ITPR2: variants seen among roughly 807,000 people sequenced by gnomAD.
ITPR2 encodes inositol 1,4,5-trisphosphate receptor type 2, also known as inositol 1,4,5-trisphosphate-gated calcium channel ITPR2.
Under a neutral mutation model 317.1 loss-of-function variants are expected in ITPR2, and 207 were observed. The ratio of observed to expected loss-of-function variants is 0.65; its 90% confidence interval spans 0.58 to 0.73. ITPR2 has a LOEUF of 0.73. Ranked by LOEUF, ITPR2 falls within the 30% of genes least tolerant of loss-of-function variation. The pLI is 0.00. For missense variants in ITPR2, 2,613 were observed against 3,284.0 expected, an observed-to-expected ratio of 0.80 and a Z score of 4.99; for synonymous variants, 1,156 against 1,149.1, an observed-to-expected ratio of 1.01 and a Z score of -0.12.
chr12:26,370,569 C>T (rs759824562), intron 55 of ITPR2, among the ~76,000 whole-genome samples: 4 of 152,178 alleles, frequency 2.6e-5, no homozygotes, highest in Non-Finnish European at 4.4e-5. Context: ...TTCCCCCATG[C>T]GGAATTTTCA....
intron 5 of ITPR2, among the ~76,000 whole-genome samples, chr12:26,718,521 T>C (rs1014381549): frequency 9.9e-5 from 14 of 142,064 alleles, no homozygotes; most frequent in African/African-American, 4.0e-4. Flanking sequence ...ATATATAAGG[T>C]TTTAAATATA....
At chr12:26,777,622 T>A (rs1446224888) in intron 2 of ITPR2, among the ~76,000 whole-genome samples, 4 of 152,190 alleles carry the variant, frequency 2.6e-5, no homozygotes, top group Non-Finnish European at 4.4e-5. Flanking sequence ...GTAAAATTGA[T>A]AAATGCATTC....
chr12:26,731,120 T>TG (rs1056046237), intron 2 of ITPR2, among the ~76,000 whole-genome samples: 2 of 12,364 alleles, frequency 1.6e-4, no homozygotes, highest in African/African-American at 1.5e-3. Flanking sequence ...TTGGCAATGG[T>TG]GGAAAAAAAA....
intron 2 of ITPR2, among the ~76,000 whole-genome samples, chr12:26,758,099 T>C (rs563776872): frequency 3.3e-5 from 5 of 152,206 alleles, no homozygotes; most frequent in African/African-American, 1.2e-4. Flanking sequence ...TCCATGTAGC[T>C]TCTCCTGTCT....
chr12:26,826,732 A>G (rs2137305141), intron 1 of ITPR2, among the ~76,000 whole-genome samples: 1 of 152,312 alleles, frequency 6.6e-6, no homozygotes, highest in Admixed American at 6.5e-5. Flanking sequence ...GCTATCACTT[A>G]AACATACATA....
At chr12:26,724,905 G>C (rs779756932) in intron 3 of ITPR2, among the ~76,000 whole-genome samples, 163 bp from the exon 4 acceptor site, 9 of 152,040 alleles carry the variant, frequency 5.9e-5, no homozygotes, top group Non-Finnish European at 8.8e-5. Context: ...TTTGCTTTAT[G>C]TTTCCATCAT....
intron 22 of ITPR2, 149 bp from the exon 23 acceptor site, chr12:26,628,311 G>T: frequency 1.8e-6 from 1 of 571,020 alleles, no homozygotes; most frequent in Non-Finnish European, 3.0e-6. Flanking sequence ...ATGTTTGTCA[G>T]CAATGACTAA....
At chr12:26,627,911 T>TA in intron 23 of ITPR2, 122 bp downstream of exon 23, 2 of 865,236 alleles carry the variant, frequency 2.3e-6, no homozygotes, top group Non-Finnish European at 3.5e-6. Flanking sequence ...TCCCAGAACT[T>TA]AAAGTATAAT....
chr12:26,417,546 TC>T (rs1940758253), intron 50 of ITPR2, among the ~76,000 whole-genome samples: 1 of 152,060 alleles, frequency 6.6e-6, no homozygotes, highest in Non-Finnish European at 1.5e-5. Flanking sequence ...AGTGGCAGTT[TC>T]CCCCGTGCTC....
rs1943804797 is a variant in ITPR2, at chr12:26,526,178, G to GA, written c.5073+24068dup. Among the ~76,000 whole-genome samples, 3 of 152,030 alleles carry GA rather than the reference G, an allele frequency of 2.0e-5. No homozygotes were observed. The South Asian group carries it at 6.2e-4, about 32-fold the overall frequency. On this transcript the variant is annotated intron_variant, in intron 37 of 56. Transcript: ENST00000381340. ...AGTAATAATAGACTCATGGAAATAA[G>GA]AAAAAATGTACATTTTCTGAAATTT...
At chr12:26,383,441 C>T (rs1291805915) in intron 55 of ITPR2, among the ~76,000 whole-genome samples, 3 of 151,872 alleles carry the variant, frequency 2.0e-5, no homozygotes. Flanking sequence ...GAGGGAGGAA[C>T]ATTCCCAGAA....
chr12:26,820,703 T>C (rs960056847), intron 1 of ITPR2, among the ~76,000 whole-genome samples: 2 of 152,170 alleles, frequency 1.3e-5, no homozygotes, highest in East Asian at 1.9e-4. Flanking sequence ...TTATTCATAA[T>C]AGCCAAAAAG....
chr12:26,505,915 T>C (rs572203888), intron 37 of ITPR2, among the ~76,000 whole-genome samples: 8 of 152,204 alleles, frequency 5.3e-5, no homozygotes, highest in Admixed American at 2.6e-4. Flanking sequence ...ATTTGAGATT[T>C]ATTCAATGTT....
intron 21 of ITPR2, among the ~76,000 whole-genome samples, chr12:26,642,621 C>T (rs1947017811): frequency 6.6e-6 from 1 of 152,104 alleles, no homozygotes; most frequent in African/African-American, 2.4e-5. Context: ...AGATATTACT[C>T]ATTAATCCAG....
At position 26,529,900 on chromosome 12, in the gene ITPR2, G is replaced by C. The variant is rs746869547; in HGVS notation, c.5073+20347C>G. On this transcript the variant is annotated intron_variant, in intron 37 of 56. Transcript: ENST00000381340. ...GAATGTAAGCTCCAATATAAGAATG[G>C]ACCATGCCATTTCATTGTTTTGTTT... Among the ~76,000 whole-genome samples, 18 of 152,156 alleles carry C rather than the reference G, an allele frequency of 1.2e-4. 1 individual carries two copies. The highest frequency in any genetic ancestry group is 7.4e-5 in the Non-Finnish European group (5 of 68,026).
chr12:26,484,194 G>T (rs1565552825), intron 41 of ITPR2, among the ~76,000 whole-genome samples: 1 of 137,404 alleles, frequency 7.3e-6, no homozygotes, highest in Non-Finnish European at 1.7e-5. Context: ...TATCAAGATA[G>T]TTCATAATAA....
At chr12:26,762,649 A>C (rs1165341882) in intron 2 of ITPR2, among the ~76,000 whole-genome samples, 4 of 152,220 alleles carry the variant, frequency 2.6e-5, no homozygotes. Context: ...CTTTAAAGGT[A>C]AGATTATAGT....
intron 21 of ITPR2, among the ~76,000 whole-genome samples, chr12:26,637,124 C>CA (rs1298126087): frequency 6.6e-6 from 1 of 152,142 alleles, no homozygotes; most frequent in Non-Finnish European, 1.5e-5. Context: ...CACATACTAC[C>CA]AGTGGTATTT....
intron 15 of ITPR2, among the ~76,000 whole-genome samples, chr12:26,663,448 C>T (rs1295157420): frequency 6.6e-6 from 1 of 152,154 alleles, no homozygotes; most frequent in East Asian, 1.9e-4. Context: ...ATAACAGGCA[C>T]ATATTAGTAC....
Sources: allele counts gnomAD v4.1 joint callset (sites outside exome capture counted in the v4.1 genomes callset), GRCh38; gene constraint gnomAD v4.1.1; transcripts MANE v1.5; gene names NCBI Gene and HGNC (gene_info 2026-07-23, HGNC 2026-07-21).